The following CCNY variants were observed in gnomAD, a reference collection of about 807,000 sequenced individuals.
The protein encoded by CCNY is cyclin Y.
A neutral mutation model predicts 42.8 loss-of-function variants in CCNY; 19 were observed. The ratio of observed to expected loss-of-function variants is 0.44; its 90% CI spans 0.31 to 0.65. The LOEUF is 0.65. Ranked by LOEUF, CCNY falls within the 30% of genes least tolerant of loss-of-function variation. CCNY has a pLI of 0.07. For synonymous variants in CCNY, 165 were observed against 162.7 expected (o/e 1.01, Z -0.11); for missense variants, 370 against 437.3 (o/e 0.85, Z 1.37).
intron 2 of CCNY, among the ~76,000 whole-genome samples, chr10:35,484,572 G>A (rs1839743693): frequency 6.6e-6 from 1 of 152,046 alleles, no homozygotes; most frequent in Non-Finnish European, 1.5e-5. Flanking sequence ...AGTTTTTGGT[G>A]TGCTGGATAC....
chr10:35,548,290 A>G (rs1241209927), intron 7 of CCNY, among the ~76,000 whole-genome samples: 1 of 146,450 alleles, frequency 6.8e-6, no homozygotes, highest in Non-Finnish European at 1.5e-5. Flanking sequence ...ATATATATTT[A>G]TGTATATATA....
chr10:35,465,517 G>C lies in CCNY; in HGVS notation c.155-17887G>C, dbSNP rs569024582. Among the ~76,000 whole-genome samples, 130 of 152,264 alleles carry C rather than the reference G, an allele frequency of 8.5e-4. 1 individual carries two copies. Among genetic ancestry groups the C allele is most frequent in the African/African-American group, 2.8e-3 (116 of 41,546 alleles). ...TTGAACTGTTGAGATGTCATCAGTG[G>C]TTTGTCCCTCTGTCCTCAGGAAAAG... is the stretch of plus-strand genomic sequence containing the variant. On this transcript the variant is annotated intron_variant, in intron 1 of 9. Coordinates refer to ENST00000374704, the MANE Select transcript of CCNY (RefSeq NM_145012.6).
At chr10:35,436,932 G>A (rs949596266) in intron 1 of CCNY, among the ~76,000 whole-genome samples, 2 of 152,164 alleles carry the variant, frequency 1.3e-5, no homozygotes, top group African/African-American at 4.8e-5. Context: ...AAGAAAAAGA[G>A]GTTTAATGGA....
chr10:35,337,740 T>A (rs199720617), intron 1 of CCNY, among the ~76,000 whole-genome samples: 3 of 143,000 alleles, frequency 2.1e-5, no homozygotes, highest in Non-Finnish European at 3.1e-5. Flanking sequence ...CCGTTTTTTT[T>A]AAAAAATGAT....
intron 1 of CCNY, among the ~76,000 whole-genome samples, chr10:35,358,481 G>A (rs544262083): frequency 2.8e-4 from 43 of 152,272 alleles, no homozygotes; most frequent in African/African-American, 1.0e-3. Context: ...AGGAACAAAT[G>A]AAGTTGAAAA....
intron 8 of CCNY, among the ~76,000 whole-genome samples, chr10:35,555,008 C>T (rs748440886): frequency 1.6e-4 from 24 of 152,190 alleles, no homozygotes; most frequent in Non-Finnish European, 2.9e-4. Flanking sequence ...GGAAAATCCT[C>T]TTAGTTGATT....
chr10:35,361,670 A>G (rs1405384034), intron 1 of CCNY, among the ~76,000 whole-genome samples: 3 of 152,222 alleles, frequency 2.0e-5, no homozygotes, highest in Non-Finnish European at 4.4e-5. Context: ...CACTGTCTTC[A>G]CTAATTCTCT....
At position 35,403,566 on chromosome 10, in the gene CCNY, G is replaced by A. The variant is rs185376407; in HGVS notation, c.154+66359G>A. 4.0e-3 allele frequency among the ~76,000 whole-genome samples: 608 copies of A among 152,288 alleles called. 1 individual carries two copies. The highest frequency in any genetic ancestry group is 0.013 in the African/African-American group (561 of 41,560). Reference sequence around the variant, plus strand: ...CAGTGTATGACTCCAGCTTCCTTTGGAAGTAAAGCGGCCTTGAGAAGAGTT... The same window carrying A: ...CAGTGTATGACTCCAGCTTCCTTTGAAAGTAAAGCGGCCTTGAGAAGAGTT... On this transcript the variant is annotated intron_variant, in intron 1 of 9. Coordinates refer to ENST00000374704, the MANE Select transcript of CCNY (RefSeq NM_145012.6).
chr10:35,562,009 C>A (rs1841476433), intron 8 of CCNY, among the ~76,000 whole-genome samples: 1 of 152,192 alleles, frequency 6.6e-6, no homozygotes, highest in African/African-American at 2.4e-5. Context: ...GCATCACAGG[C>A]CAGCTTAGAG....
At chr10:35,431,251 C>T (rs1298788550) in intron 1 of CCNY, among the ~76,000 whole-genome samples, 1 of 151,520 alleles carries the variant, frequency 6.6e-6, no homozygotes, top group Non-Finnish European at 1.5e-5. Context: ...AAATGTTTTC[C>T]ACCCATGCTT....
intron 3 of CCNY, among the ~76,000 whole-genome samples, chr10:35,318,347 T>G (rs1835784410): frequency 6.6e-6 from 1 of 152,212 alleles, no homozygotes; most frequent in Admixed American, 6.5e-5. Flanking sequence ...CCTACCCATG[T>G]GCAACTGTGG....
intron 1 of CCNY, among the ~76,000 whole-genome samples, chr10:35,454,112 G>T (rs903722254): frequency 5.9e-5 from 9 of 152,148 alleles, no homozygotes; most frequent in African/African-American, 1.9e-4. Flanking sequence ...TACTTTTCCT[G>T]TGTGTGGGTG....
intron 1 of CCNY, among the ~76,000 whole-genome samples, chr10:35,437,161 G>A (rs1488456633): frequency 6.6e-6 from 1 of 152,182 alleles, no homozygotes; most frequent in Non-Finnish European, 1.5e-5. Flanking sequence ...TTGACACATG[G>A]GGATTATTAC....
chr10:35,488,686 A>T (rs1175808044), intron 2 of CCNY, among the ~76,000 whole-genome samples: 1 of 152,162 alleles, frequency 6.6e-6, no homozygotes, highest in Admixed American at 6.5e-5. Context: ...TGACCTTAAA[A>T]TTTTTTTACC....
chr10:35,349,676 C>G (rs1240518694), intron 1 of CCNY, among the ~76,000 whole-genome samples: 1 of 152,106 alleles, frequency 6.6e-6, no homozygotes, highest in African/African-American at 2.4e-5. Context: ...TTTCTCCCTC[C>G]CAGCACTGTT....
intron 3 of CCNY, among the ~76,000 whole-genome samples, chr10:35,280,256 G>A (rs1354801529): frequency 2.0e-5 from 3 of 152,138 alleles, no homozygotes; most frequent in Non-Finnish European, 4.4e-5. Context: ...GAACCTGGGA[G>A]TTGGAGGTTG....
At chr10:35,383,520 C>T (rs1295338726) in intron 1 of CCNY, among the ~76,000 whole-genome samples, 1 of 152,162 alleles carries the variant, frequency 6.6e-6, no homozygotes, top group Non-Finnish European at 1.5e-5. Flanking sequence ...ATTGGCCAGG[C>T]TGGTCTCAAA....
chr10:35,349,492 T>G (rs1056188653), intron 1 of CCNY, among the ~76,000 whole-genome samples: 8 of 152,236 alleles, frequency 5.3e-5, no homozygotes, highest in African/African-American at 1.9e-4. Flanking sequence ...AAGGACAGTG[T>G]GCAAGTTGGC....
intron 1 of CCNY, among the ~76,000 whole-genome samples, chr10:35,471,357 C>T (rs1258280967): frequency 6.6e-6 from 1 of 152,196 alleles, no homozygotes; most frequent in East Asian, 1.9e-4. Context: ...TTCTGCTTTA[C>T]TTTTTACTAG....
Sources: gnomAD v4.1 joint callset for allele counts (sites outside exome capture counted in the v4.1 genomes callset) on GRCh38, gnomAD v4.1.1 for gene constraint, MANE v1.5 for transcripts, NCBI Gene and HGNC (gene_info 2026-07-23, HGNC 2026-07-21) for gene names.